Variants in REEP1 observed in about 807,000 individuals in gnomAD.
REEP1 encodes receptor accessory protein 1.
A neutral mutation model predicts 40.3 loss-of-function variants in REEP1; 22 were observed. The observed-to-expected ratio is 0.55, with a 90% CI of 0.39 to 0.78. The LOEUF is 0.78. Among genes scored for constraint, REEP1 ranks in the 30% least tolerant of loss-of-function variants. REEP1 has a pLI of 0.00. For synonymous variants in REEP1, 116 were observed against 139.2 expected, an observed-to-expected ratio of 0.83 and a Z score of 1.17; for missense variants, 280 against 361.1, an observed-to-expected ratio of 0.78 and a Z score of 1.82.
intron 1 of REEP1, among the ~76,000 whole-genome samples, chr2:86,320,698 T>C (rs1183367015): frequency 6.6e-6 from 1 of 152,240 alleles, no homozygotes; most frequent in East Asian, 1.9e-4. Context: ...TTCTAGAATC[T>C]AATAATTAAA....
intron 1 of REEP1, among the ~76,000 whole-genome samples, chr2:86,313,062 G>A (rs886476766): frequency 6.6e-6 from 1 of 152,080 alleles, no homozygotes; most frequent in Admixed American, 6.6e-5. Flanking sequence ...CACAGAGCAA[G>A]TTTATATCAC....
chr2:86,310,663 G>A (rs1679718392), intron 1 of REEP1, among the ~76,000 whole-genome samples: 1 of 151,830 alleles, frequency 6.6e-6, no homozygotes, highest in African/African-American at 2.4e-5. Context: ...ATCTTTCCTA[G>A]ATGAGGAAAA....
intron 2 of REEP1, among the ~76,000 whole-genome samples, chr2:86,265,852 G>T (rs531392188): frequency 6.6e-6 from 1 of 152,232 alleles, no homozygotes; most frequent in South Asian, 2.1e-4. Flanking sequence ...GACTACTTGG[G>T]TGATGGTTAC....
At chr2:86,250,309 C>G (rs907680974) in intron 5 of REEP1, among the ~76,000 whole-genome samples, 1 of 152,184 alleles carries the variant, frequency 6.6e-6, no homozygotes, top group Non-Finnish European at 1.5e-5. Context: ...GAGCAGCAGC[C>G]TGTTTTCCTC....
chr2:86,235,508 TGCTATTGAAA>T (rs1348869891), intron 5 of REEP1, among the ~76,000 whole-genome samples: 1 of 152,240 alleles, frequency 6.6e-6, no homozygotes, highest in Non-Finnish European at 1.5e-5. Flanking sequence ...ATACAAAGGT[TGCTATTGAAA>T]GCTATTGAAA....
At chr2:86,261,886 T>C (rs1436579228) in intron 3 of REEP1, among the ~76,000 whole-genome samples, 1 of 152,258 alleles carries the variant, frequency 6.6e-6, no homozygotes, top group Non-Finnish European at 1.5e-5. Flanking sequence ...GCCTTAGGGC[T>C]GGAGGTGGGA....
intron 2 of REEP1, among the ~76,000 whole-genome samples, chr2:86,281,736 T>C (rs984695348): frequency 6.6e-6 from 1 of 152,144 alleles, no homozygotes; most frequent in Non-Finnish European, 1.5e-5. Flanking sequence ...AGAAATGGAA[T>C]GGGGGCAGAG....
intron 4 of REEP1, among the ~76,000 whole-genome samples, chr2:86,252,970 G>C (rs976630982): frequency 1.3e-5 from 2 of 152,158 alleles, no homozygotes. Flanking sequence ...TTTTGTTGTT[G>C]TCATTGTTTT....
At chr2:86,222,308 A>C (rs1377781519) in intron 7 of REEP1, among the ~76,000 whole-genome samples, 1 of 152,234 alleles carries the variant, frequency 6.6e-6, no homozygotes, top group Admixed American at 6.5e-5. Flanking sequence ...ATATCCAAGC[A>C]GGAATAGAAA....
intron 7 of REEP1, among the ~76,000 whole-genome samples, chr2:86,221,303 G>A (rs965511456): frequency 6.6e-6 from 1 of 152,204 alleles, no homozygotes; most frequent in Non-Finnish European, 1.5e-5. Context: ...AACATGCAAA[G>A]CTGAATTTTA....
intron 3 of REEP1, among the ~76,000 whole-genome samples, chr2:86,262,873 A>G (rs1676938637): frequency 6.6e-6 from 1 of 152,228 alleles, no homozygotes; most frequent in Admixed American, 6.5e-5. Context: ...AGAAATCGAT[A>G]TATTATTTAC....
intron 1 of REEP1, among the ~76,000 whole-genome samples, chr2:86,319,454 AC>A (rs1192899455): frequency 2.3e-4 from 6 of 25,812 alleles, no homozygotes; most frequent in African/African-American, 1.9e-3. Context: ...AGAGTGGCTC[AC>A]TCACGCCTGT....
intron 1 of REEP1, among the ~76,000 whole-genome samples, chr2:86,297,256 G>T (rs1679028619): frequency 6.6e-6 from 1 of 152,246 alleles, no homozygotes; most frequent in Admixed American, 6.5e-5. Flanking sequence ...CCACCCAGGA[G>T]AGCTTGGAGC....
rs993162388 is a variant in REEP1, at chr2:86,215,337, G to T, written c.*1702C>A. 1 of 152,120 alleles carries T rather than the reference G, an allele frequency of 6.6e-6. No homozygotes were observed. Among genetic ancestry groups the T allele is most frequent in the Admixed American group, 6.5e-5 (1 of 15,268 alleles). The allele number at this position is 152,120 out of a possible 1,614,324, so 9.4% of individuals were successfully genotyped here. ...AGATGGGATTCCAATATGCATATCT[G>T]GCAACAATCAGCTTCAAATCAAACC... On this transcript the variant is annotated 3_prime_UTR_variant, in exon 9 of 9. Transcript: ENST00000538924.
At chr2:86,259,690 T>C (rs567560596) in intron 3 of REEP1, among the ~76,000 whole-genome samples, 1 of 152,104 alleles carries the variant, frequency 6.6e-6, no homozygotes, top group South Asian at 2.1e-4. Flanking sequence ...GCCCAGCCTG[T>C]ATTATTTTAT....
At chr2:86,299,653 C>T (rs1049956852) in intron 1 of REEP1, among the ~76,000 whole-genome samples, 10 of 152,116 alleles carry the variant, frequency 6.6e-5, no homozygotes, top group South Asian at 2.1e-4. Flanking sequence ...GACAATACTG[C>T]GTTCATCTTA....
intron 1 of REEP1, among the ~76,000 whole-genome samples, chr2:86,301,955 TC>T (rs34007805): frequency 5.9e-5 from 9 of 152,124 alleles, no homozygotes; most frequent in South Asian, 4.1e-4. Flanking sequence ...AGTCATGACC[TC>T]CCCCCACCAT....
intron 1 of REEP1, among the ~76,000 whole-genome samples, chr2:86,311,050 G>A (rs774187378): frequency 1.2e-4 from 18 of 152,108 alleles, no homozygotes; most frequent in Non-Finnish European, 2.4e-4. Flanking sequence ...AAGGGAGGGA[G>A]GAGAGATGGC....
intron 1 of REEP1, among the ~76,000 whole-genome samples, chr2:86,286,007 C>G (rs1480893051): frequency 6.6e-6 from 1 of 152,180 alleles, no homozygotes; most frequent in African/African-American, 2.4e-5. Flanking sequence ...GCTTGCACCT[C>G]ACAGCTCTGC....
Sources: allele counts gnomAD v4.1 joint callset (sites outside exome capture counted in the v4.1 genomes callset), GRCh38; gene constraint gnomAD v4.1.1; transcripts MANE v1.5; gene names NCBI Gene and HGNC (gene_info 2026-07-23, HGNC 2026-07-21).